DOCK3: variants seen among roughly 807,000 people sequenced by gnomAD.
DOCK3 encodes the protein dedicator of cytokinesis protein 3.
In DOCK3, 60 loss-of-function variants were observed where a neutral mutation model predicts 265.6. The observed-to-expected ratio is 0.23, with a 90% CI of 0.18 to 0.28. DOCK3 has a LOEUF of 0.28. Ranked by LOEUF, DOCK3 falls within the 10% of genes least tolerant of loss-of-function variation. The pLI is 1.00. For synonymous variants in DOCK3, 881 were observed against 938.0 expected (o/e 0.94, Z 1.11); for missense variants, 1,981 against 2,594.3 (o/e 0.76, Z 5.14).
chr3:51,041,327 C>T (rs1301653847), intron 5 of DOCK3, among the ~76,000 whole-genome samples: 1 of 146,154 alleles, frequency 6.8e-6, no homozygotes, highest in African/African-American at 2.5e-5. Context: ...ACGCCATTCT[C>T]CTGCCTCAGC....
At chr3:50,822,351 C>A (rs1476900442) in intron 2 of DOCK3, among the ~76,000 whole-genome samples, 1 of 151,746 alleles carries the variant, frequency 6.6e-6, no homozygotes, top group African/African-American at 2.4e-5. Flanking sequence ...TTTTGTACAT[C>A]GATTTTGTAT....
intron 9 of DOCK3, among the ~76,000 whole-genome samples, chr3:51,122,876 T>C (rs1329658794): frequency 6.6e-6 from 1 of 152,238 alleles, no homozygotes; most frequent in Non-Finnish European, 1.5e-5. Flanking sequence ...GACACTTTGA[T>C]ACTCTCTCCT....
chr3:50,971,362 T>G (rs1387631091), intron 5 of DOCK3, among the ~76,000 whole-genome samples: 3 of 152,146 alleles, frequency 2.0e-5, no homozygotes, highest in African/African-American at 7.2e-5. Flanking sequence ...CCCTTGAAGA[T>G]GTGACTATAA....
intron 24 of DOCK3, among the ~76,000 whole-genome samples, chr3:51,274,773 C>T (rs1395827424): frequency 3.9e-5 from 6 of 151,926 alleles, no homozygotes; most frequent in Non-Finnish European, 8.8e-5. Context: ...AGAATGAGAC[C>T]CTGTTTCCAA....
At chr3:50,840,414 G>A (rs879756173) in intron 2 of DOCK3, among the ~76,000 whole-genome samples, 6 of 152,194 alleles carry the variant, frequency 3.9e-5, no homozygotes, top group Non-Finnish European at 7.3e-5. Context: ...TCTATATGTA[G>A]ATTCATTTTC....
chr3:51,137,863 C>G, intron 9 of DOCK3, among the ~76,000 whole-genome samples: 1 of 152,160 alleles, frequency 6.6e-6, no homozygotes, highest in East Asian at 1.9e-4. Context: ...AAGATGGTTT[C>G]TCATTCATAT....
chr3:51,302,545 G>A (rs1353388001), intron 27 of DOCK3, among the ~76,000 whole-genome samples: 1 of 149,324 alleles, frequency 6.7e-6, no homozygotes, highest in Admixed American at 6.7e-5. Flanking sequence ...TTTTTTTTTT[G>A]CAGTGACTAG....
At chr3:51,001,945 A>T (rs1019298593) in intron 5 of DOCK3, among the ~76,000 whole-genome samples, 3 of 152,018 alleles carry the variant, frequency 2.0e-5, no homozygotes, top group African/African-American at 7.2e-5. Flanking sequence ...ACAGGGTCTC[A>T]CTCTGTCACC....
intron 9 of DOCK3, among the ~76,000 whole-genome samples, chr3:51,099,016 A>G (rs2082978410): frequency 6.6e-6 from 1 of 152,234 alleles, no homozygotes; most frequent in Non-Finnish European, 1.5e-5. Flanking sequence ...AGGCCAACAA[A>G]TGGATGTTTA....
At chr3:51,053,966 A>G (rs2081101581) in intron 5 of DOCK3, among the ~76,000 whole-genome samples, 1 of 151,912 alleles carries the variant, frequency 6.6e-6, no homozygotes, top group Non-Finnish European at 1.5e-5. Flanking sequence ...TTTCTCAATT[A>G]TATCCTGCAT....
intron 12 of DOCK3, among the ~76,000 whole-genome samples, chr3:51,207,692 A>T (rs967605714): frequency 6.6e-6 from 1 of 152,086 alleles, no homozygotes; most frequent in African/African-American, 2.4e-5. Context: ...AATGCTTCAT[A>T]CTATTGGATG....
chr3:51,084,029 G>C (rs1012291595), intron 7 of DOCK3, among the ~76,000 whole-genome samples: 1 of 151,940 alleles, frequency 6.6e-6, no homozygotes, highest in African/African-American at 2.4e-5. Flanking sequence ...TCTGAAGACA[G>C]GTTTTTTGAC....
intron 4 of DOCK3, among the ~76,000 whole-genome samples, 178 bp from the exon 5 acceptor site, chr3:50,933,803 A>G (rs996200984): frequency 3.9e-5 from 6 of 152,218 alleles, no homozygotes; most frequent in African/African-American, 1.2e-4. Flanking sequence ...ACTTTAATTC[A>G]GTTTACTTTC....
chr3:50,839,097 A>G (rs1024751047), intron 2 of DOCK3, among the ~76,000 whole-genome samples: 1 of 152,210 alleles, frequency 6.6e-6, no homozygotes, highest in Non-Finnish European at 1.5e-5. Flanking sequence ...CATTATCATT[A>G]TATGGTGTTA....
intron 3 of DOCK3, among the ~76,000 whole-genome samples, chr3:50,845,184 A>G (rs1269250757): frequency 6.6e-6 from 1 of 152,116 alleles, no homozygotes; most frequent in Non-Finnish European, 1.5e-5. Flanking sequence ...GATCTCGTGG[A>G]CAACAAAGGG....
intron 5 of DOCK3, among the ~76,000 whole-genome samples, chr3:50,967,380 A>G (rs947157557): frequency 1.3e-5 from 2 of 152,126 alleles, no homozygotes; most frequent in Non-Finnish European, 2.9e-5. Context: ...GCCATTGTGT[A>G]TCTACACCAC....
chr3:51,295,775 G>A (rs1309253045), intron 27 of DOCK3, among the ~76,000 whole-genome samples: 4 of 151,932 alleles, frequency 2.6e-5, no homozygotes, highest in Non-Finnish European at 4.4e-5. Context: ...GGGCAATAAG[G>A]CGTTGGGGGG....
chr3:51,355,224 C>T (rs555945732), intron 41 of DOCK3, among the ~76,000 whole-genome samples: 2 of 152,354 alleles, frequency 1.3e-5, no homozygotes, highest in East Asian at 3.9e-4. Context: ...ACGCCCTTAG[C>T]AGTGGGTGGT....
At chr3:51,173,894 CT>C (rs1293303570) in intron 12 of DOCK3, among the ~76,000 whole-genome samples, 1 of 152,068 alleles carries the variant, frequency 6.6e-6, no homozygotes, top group Non-Finnish European at 1.5e-5. Context: ...ATTTTTCCCC[CT>C]TTTCTTTCCT....
Sources: gnomAD v4.1 joint callset for allele counts (sites outside exome capture counted in the v4.1 genomes callset) on GRCh38, gnomAD v4.1.1 for gene constraint, MANE v1.5 for transcripts, NCBI Gene and HGNC (gene_info 2026-07-23, HGNC 2026-07-21) for gene names.